RAP1GAP2: variants seen among roughly 807,000 people sequenced by gnomAD.
RAP1GAP2 encodes rap1 GTPase-activating protein 2.
RAP1GAP2 carries 27 observed loss-of-function variants against 95.0 expected under a neutral mutation model. The observed-to-expected ratio is 0.28, with a 90% CI of 0.21 to 0.39. The LOEUF is 0.39. Ranked by LOEUF, RAP1GAP2 falls within the 10% of genes least tolerant of loss-of-function variation. The pLI is 1.00. For synonymous variants in RAP1GAP2, 373 were observed against 380.9 expected, an observed-to-expected ratio of 0.98 and a Z score of 0.24; for missense variants, 771 against 970.0, an observed-to-expected ratio of 0.79 and a Z score of 2.72.
intron 3 of RAP1GAP2, among the ~76,000 whole-genome samples, chr17:2,917,011 G>A (rs2042593616): frequency 6.6e-6 from 1 of 152,192 alleles, no homozygotes; most frequent in African/African-American, 2.4e-5. Flanking sequence ...TTTGTGGGAG[G>A]AACAGCTGGC....
rs146535363 is a variant in RAP1GAP2, at chr17:2,903,758, GGGCT to G, written c.81-1519_81-1516del. Among the ~76,000 whole-genome samples, 103,096 of 151,638 alleles carry G rather than the reference GGGCT, an allele frequency of 0.68. 36,156 individuals carry two copies. Among genetic ancestry groups the G allele is most frequent in the Admixed American group, 0.82 (12,577 of 15,256 alleles). On this transcript the variant is annotated intron_variant, in intron 2 of 24. Coordinates refer to ENST00000254695, the MANE Select transcript of RAP1GAP2 (RefSeq NM_015085.5). This position sits in a 1 kb window ranked among gnomAD's most constrained non-coding sequence, Gnocchi z 4.1. ...GTGGCTCCCTAGTTGGCCACAGGGAGGGCTGGCTGGTCAACTGCAGGGGCAGGCA... is the reference window on the plus strand; with the variant it reads ...GTGGCTCCCTAGTTGGCCACAGGGAGGGCTGGTCAACTGCAGGGGCAGGCA...
intron 4 of RAP1GAP2, among the ~76,000 whole-genome samples, chr17:2,961,163 A>G (rs1166347327): frequency 2.1e-4 from 31 of 144,396 alleles, no homozygotes; most frequent in East Asian, 6.4e-4. Context: ...GTTGCAGTGA[A>G]CCGAGATCCC....
At position 2,871,183 on chromosome 17, in the gene RAP1GAP2, T is replaced by C. The variant is rs2072829814; in HGVS notation, c.81-34101T>C. On this transcript the variant is annotated intron_variant, in intron 2 of 24. Transcript: ENST00000254695. The surrounding 1 kb of genome is among the most constrained non-coding windows in gnomAD (Gnocchi z 5.0). The stretch of plus-strand genomic sequence containing the variant: ...GTTGGCCAGGCTGGTCTTGAACTCC[T>C]GACCTCAGGTGATCCACCCACCTCG... Among the ~76,000 whole-genome samples, 2 of 152,220 alleles carry C rather than the reference T, an allele frequency of 1.3e-5. No homozygotes were observed. The highest frequency in any genetic ancestry group is 6.5e-5 in the Admixed American group (1 of 15,276).
intron 8 of RAP1GAP2, among the ~76,000 whole-genome samples, chr17:2,967,006 T>A (rs2044630775): frequency 6.6e-6 from 1 of 152,132 alleles, no homozygotes; most frequent in South Asian, 2.1e-4. Flanking sequence ...TGTTTTGTAA[T>A]CTATGGGGGC....
chr17:2,799,626 T>C (rs2069195791), intron 1 of RAP1GAP2, among the ~76,000 whole-genome samples: 1 of 152,114 alleles, frequency 6.6e-6, no homozygotes, highest in Non-Finnish European at 1.5e-5. Flanking sequence ...TGATGACATG[T>C]GGTGACATGG....
intron 3 of RAP1GAP2, among the ~76,000 whole-genome samples, chr17:2,955,664 G>A (rs1024812369): frequency 1.3e-5 from 2 of 152,078 alleles, no homozygotes; most frequent in Non-Finnish European, 2.9e-5. Context: ...CTGGGTCTGG[G>A]CTTTCCTTCG....
intron 1 of RAP1GAP2, among the ~76,000 whole-genome samples, chr17:2,782,182 C>T (rs2068677637): frequency 6.6e-6 from 1 of 152,188 alleles, no homozygotes; most frequent in Non-Finnish European, 1.5e-5. Flanking sequence ...CCTGTTTCTC[C>T]CTCTGTCTGA....
chr17:3,017,604 A>T lies in RAP1GAP2; in HGVS notation c.1495-457A>T, dbSNP rs1181856175. ...GAGTCAACTTGTGGTCAGACACCTG[A>T]GTGTGTTGAATCCCCACCACGATGC... is the stretch of plus-strand genomic sequence containing the variant. On this transcript the variant is annotated intron_variant, in intron 17 of 24. Coordinates refer to ENST00000254695, the MANE Select transcript of RAP1GAP2 (RefSeq NM_015085.5). Among the ~76,000 whole-genome samples the T allele has an allele frequency of 3.9e-5, 6 of 152,176 alleles. No individual in the cohort carries two copies. In the East Asian group the frequency reaches 1.2e-3, roughly 29 times the overall value.
intron 2 of RAP1GAP2, among the ~76,000 whole-genome samples, chr17:2,894,250 A>G (rs974806618): frequency 1.8e-4 from 27 of 152,134 alleles, no homozygotes; most frequent in African/African-American, 6.3e-4. Context: ...CCAACATGGC[A>G]AAAACCCCAT....
intron 3 of RAP1GAP2, among the ~76,000 whole-genome samples, chr17:2,923,147 C>T (rs1164217602): frequency 6.6e-6 from 1 of 150,866 alleles, no homozygotes. Flanking sequence ...TCAAGTGATT[C>T]TCCTGCCTCA....
At chr17:2,792,893 A>T (rs923218749), upstream of RAP1GAP2, among the ~76,000 whole-genome samples, 8 of 152,332 alleles carry the variant, frequency 5.3e-5, no homozygotes, top group African/African-American at 1.9e-4. Flanking sequence ...CCAGGTGTTC[A>T]TAGCTGGGCA....
chr17:2,939,076 C>T (rs1474313665), intron 3 of RAP1GAP2, among the ~76,000 whole-genome samples: 1 of 152,196 alleles, frequency 6.6e-6, no homozygotes, highest in Non-Finnish European at 1.5e-5. Context: ...TCCAGTCCTC[C>T]AAGCCACCAC....
At chr17:2,798,311 G>A (rs1039792134) in intron 1 of RAP1GAP2, among the ~76,000 whole-genome samples, 1 of 152,170 alleles carries the variant, frequency 6.6e-6, no homozygotes, top group Non-Finnish European at 1.5e-5. Flanking sequence ...GCCCCGTCGC[G>A]TTCACCTGGA....
Position 2,998,288 on chromosome 17 carries a change from T to C in RAP1GAP2, c.1112T>C (p.Phe371Ser). 1.9e-6 allele frequency: 3 copies of C among 1,614,024 alleles called. No homozygotes were observed. Among genetic ancestry groups the C allele is most frequent in the Non-Finnish European group, 2.5e-6 (3 of 1,179,892 alleles). Residue 371 changes from phenylalanine (F) to serine (S), a missense_variant, in exon 14 of 25, where the codon TTT (phenylalanine) becomes TCT (serine). Physicochemically the swap from Phe to Ser is radical, Grantham distance 155. Transcript: ENST00000254695. ...ATCTTCCAAGAGGAAAACACGCCGT[T>C]TGTCCCAGACATGATAGCCTCCAAT... ...AIIFQEENTP[F>S]VPDMIASNFL...
chr17:2,791,011 C>T (rs1399462392), intron 1 of RAP1GAP2, among the ~76,000 whole-genome samples: 1 of 152,244 alleles, frequency 6.6e-6, no homozygotes, highest in African/African-American at 2.4e-5. Context: ...TCGAGACCAT[C>T]CAGGCCAACA....
At chr17:2,794,086 C>T (rs1414436613), upstream of RAP1GAP2, among the ~76,000 whole-genome samples, 1 of 115,664 alleles carries the variant, frequency 8.6e-6, no homozygotes, top group Non-Finnish European at 1.9e-5. Flanking sequence ...GAGCGAGACT[C>T]TTCAAAAAAA....
At chr17:3,014,791 A>G (rs1421047414) in intron 17 of RAP1GAP2, among the ~76,000 whole-genome samples, 1 of 152,158 alleles carries the variant, frequency 6.6e-6, no homozygotes, top group Non-Finnish European at 1.5e-5. Context: ...TCCTGACCTC[A>G]GGTGATCCAC....
At chr17:2,989,295 C>T (rs1597807574) in intron 11 of RAP1GAP2, among the ~76,000 whole-genome samples, 1 of 152,216 alleles carries the variant, frequency 6.6e-6, no homozygotes, top group South Asian at 2.1e-4. Flanking sequence ...TTTTCATGTG[C>T]TTATTTGCCA....
chr17:2,831,780 AG>A (rs2070866534), intron 2 of RAP1GAP2, among the ~76,000 whole-genome samples: 1 of 152,138 alleles, frequency 6.6e-6, no homozygotes, highest in Non-Finnish European at 1.5e-5. Context: ...CTGTAATCCC[AG>A]GTACTGGGGA....
Sources: gnomAD v4.1 joint callset for allele counts (sites outside exome capture counted in the v4.1 genomes callset) on GRCh38, gnomAD v4.1.1 for gene constraint, Gnocchi (gnomAD v3.1) non-coding constraint, MANE v1.5 for transcripts, NCBI Gene and HGNC (gene_info 2026-07-23, HGNC 2026-07-21) for gene names.